Variants in AHCYL1 observed in about 807,000 individuals in gnomAD.
AHCYL1 encodes the protein adenosylhomocysteinase like 1.
Under a neutral mutation model 79.3 loss-of-function variants are expected in AHCYL1, and 20 were observed. That is an observed-to-expected ratio of 0.25 (90% CI 0.18 to 0.37). The LOEUF (loss-of-function observed/expected upper bound fraction) is 0.37, where lower values mean the gene tolerates loss of function less well. Among genes scored for constraint, AHCYL1 ranks in the 10% least tolerant of loss-of-function variants. AHCYL1 has a pLI of 1.00. For synonymous variants in AHCYL1, 223 were observed against 242.2 expected (o/e 0.92, Z 0.74); for missense variants, 330 against 673.6 (o/e 0.49, Z 5.65).
At chr1:109,986,367 C>G (rs1299891315) in intron 1 of AHCYL1, among the ~76,000 whole-genome samples, 1 of 151,116 alleles carries the variant, frequency 6.6e-6, no homozygotes, top group Non-Finnish European at 1.5e-5. Context: ...CTCCAGAAAT[C>G]AAATGCAAGA....
chr1:110,004,664 T>G (rs2101715002), intron 1 of AHCYL1, among the ~76,000 whole-genome samples: 1 of 152,230 alleles, frequency 6.6e-6, no homozygotes, highest in African/African-American at 2.4e-5. Flanking sequence ...GGGCCTATAG[T>G]CCTAGCTACT....
chr1:109,996,266 CGAG>C (rs1650023740), intron 1 of AHCYL1, among the ~76,000 whole-genome samples: 1 of 152,134 alleles, frequency 6.6e-6, no homozygotes, highest in Non-Finnish European at 1.5e-5. Flanking sequence ...ATTTTGATCA[CGAG>C]GAGAAATCTT....
At chr1:110,003,421 T>C (rs1393851331) in intron 1 of AHCYL1, among the ~76,000 whole-genome samples, 1 of 152,182 alleles carries the variant, frequency 6.6e-6, no homozygotes, top group Non-Finnish European at 1.5e-5. Context: ...TTTATTATAC[T>C]ATGCTTTTGA....
Position 110,017,501 on chromosome 1 carries a change from A to C in AHCYL1, c.970A>C (p.Lys324Gln). 1 of 1,614,076 alleles carries C rather than the reference A, an allele frequency of 6.2e-7. No homozygotes were observed. The highest frequency in any genetic ancestry group is 8.5e-7 in the Non-Finnish European group (1 of 1,180,002). Residue 324 changes from lysine (K) to glutamine (Q), a missense_variant, in exon 10 of 17, where the codon AAG becomes CAG. Physicochemically the swap from Lys to Gln is moderately conservative, Grantham distance 53. This residue lies in a region of AHCYL1 where 119 missense variants were observed against 293.3 expected (regional missense o/e 0.41). Transcript: ENST00000369799. ...CCTTTCTTTTGTTCTGCAGGTAGGC[A>C]AGGGCTGCTGTGCTGCTCTCAAAGC... Reference protein sequence around the residue: ...VVVCGYGEVGKGCCAALKALG... With the variant: ...VVVCGYGEVGQGCCAALKALG...
rs146822283 is a variant in AHCYL1 at position 109,987,806 on chromosome 1, G to A, written c.120+2634G>A. Among the ~76,000 whole-genome samples, 1,260 of 152,234 alleles carry A rather than the reference G, an allele frequency of 8.3e-3. 14 individuals carry two copies. The highest frequency in any genetic ancestry group is 0.02 in the African/African-American group (829 of 41,528). ...TGAAGATTTGAGATGTCTGGGTGTC[G>A]AGAAGTCAACTAAAGGGATATGACC... On this transcript the variant is annotated intron_variant, in intron 1 of 16. Transcript: ENST00000369799.
intron 1 of AHCYL1, 137 bp downstream of exon 1, chr1:109,985,309 G>A: frequency 7.1e-7 from 1 of 1,398,952 alleles, no homozygotes; most frequent in African/African-American, 1.5e-5. Context: ...GGTGGCGGCT[G>A]TGCGGCCCCA....
At chr1:110,019,437 CTG>C in intron 14 of AHCYL1, 109 bp from the exon 15 acceptor site, 1 of 934,542 alleles carries the variant, frequency 1.1e-6, no homozygotes. Flanking sequence ...GGTACTGTGA[CTG>C]TGGTAGATCA....
chr1:110,006,049 C>A (rs1650634110), intron 1 of AHCYL1, among the ~76,000 whole-genome samples: 1 of 152,078 alleles, frequency 6.6e-6, no homozygotes, highest in African/African-American at 2.4e-5. Flanking sequence ...TTAAACTGGC[C>A]TGATATTTAA....
At chr1:110,002,138 A>C (rs904564089) in intron 1 of AHCYL1, among the ~76,000 whole-genome samples, 3 of 152,250 alleles carry the variant, frequency 2.0e-5, no homozygotes, top group Admixed American at 1.3e-4. Flanking sequence ...TATCAATATG[A>C]ACTCATAAGT....
At chr1:109,998,565 T>C (rs1442135035) in intron 1 of AHCYL1, among the ~76,000 whole-genome samples, 1 of 152,198 alleles carries the variant, frequency 6.6e-6, no homozygotes, top group African/African-American at 2.4e-5. Flanking sequence ...GCAACCTCCG[T>C]CCCCTGGGTT....
intron 9 of AHCYL1, 37 bp from the exon 10 acceptor site, chr1:110,017,458 A>G: frequency 6.3e-7 from 1 of 1,599,586 alleles, no homozygotes; most frequent in Non-Finnish European, 8.6e-7. Flanking sequence ...CCATGACTTA[A>G]TGAACCTAAC....
intron 13 of AHCYL1, 134 bp downstream of exon 13, chr1:110,018,784 A>G: frequency 3.2e-6 from 3 of 939,638 alleles, no homozygotes; most frequent in Non-Finnish European, 4.8e-6. Flanking sequence ...TATTTCACAA[A>G]TTGGTCCCCA....
chr1:110,007,033 A>C (rs1320797648), intron 1 of AHCYL1, among the ~76,000 whole-genome samples: 2 of 152,104 alleles, frequency 1.3e-5, no homozygotes, highest in East Asian at 3.9e-4. Context: ...TAGGCTACTG[A>C]TGAGCTTTAT....
At chr1:110,013,147 A>G in intron 5 of AHCYL1, 148 bp downstream of exon 5, 2 of 584,432 alleles carry the variant, frequency 3.4e-6, no homozygotes, top group Non-Finnish European at 5.8e-6. Flanking sequence ...AAGAAAGTGG[A>G]TAATAAAATT....
At chr1:110,007,036 A>C (rs1299938405) in intron 1 of AHCYL1, among the ~76,000 whole-genome samples, 1 of 152,116 alleles carries the variant, frequency 6.6e-6, no homozygotes, top group Non-Finnish European at 1.5e-5. Context: ...GCTACTGATG[A>C]GCTTTATTAA....
chr1:110,018,409 G>T lies in AHCYL1; in HGVS notation c.1160G>T (p.Arg387Leu). Residue 387 changes from arginine (R) to leucine (L), a missense_variant, in exon 12 of 17, where the codon CGC becomes CTC. This residue lies in a region of AHCYL1 where 119 missense variants were observed against 293.3 expected (regional missense o/e 0.41). Coordinates refer to ENST00000369799, the MANE Select transcript of AHCYL1 (RefSeq NM_006621.7). ...GTAGTGACACGGGAGCACTTGGATC[G>T]CATGAAAAACAGTTGTATCGTATGC... ...KNVVTREHLD[R>L]MKNSCIVCNM... is the part of the protein sequence containing the mutation. 1.2e-6 allele frequency: 2 copies of T among 1,614,098 alleles called. No individual in the cohort carries two copies. Among genetic ancestry groups the T allele is most frequent in the Non-Finnish European group, 8.5e-7 (1 of 1,180,006 alleles).
intron 1 of AHCYL1, among the ~76,000 whole-genome samples, chr1:109,987,014 G>A (rs1649503826): frequency 6.6e-6 from 1 of 152,194 alleles, no homozygotes; most frequent in Non-Finnish European, 1.5e-5. Context: ...AGCAGGCTCT[G>A]CCAGGAATGT....
At position 110,018,409 on chromosome 1, in the gene AHCYL1, G is replaced by A. The variant is rs768042207; in HGVS notation, c.1160G>A (p.Arg387His). The stretch of plus-strand genomic sequence containing the variant: ...GTAGTGACACGGGAGCACTTGGATC[G>A]CATGAAAAACAGTTGTATCGTATGC... The part of the protein sequence containing the change: ...KNVVTREHLD[R>H]MKNSCIVCNM... The change falls in exon 12 of 17, where the codon CGC becomes CAC. Residue 387 changes from arginine to histidine, a missense_variant. This residue lies in a region of AHCYL1 where 119 missense variants were observed against 293.3 expected (regional missense o/e 0.41). Coordinates refer to ENST00000369799, the MANE Select transcript of AHCYL1 (RefSeq NM_006621.7). 8 of 1,614,098 alleles carry A rather than the reference G, an allele frequency of 5.0e-6. No individual in the cohort carries two copies. The highest frequency in any genetic ancestry group is 5.9e-6 in the Non-Finnish European group (7 of 1,180,006).
At chr1:109,987,270 T>C (rs1374262254) in intron 1 of AHCYL1, among the ~76,000 whole-genome samples, 1 of 152,232 alleles carries the variant, frequency 6.6e-6, no homozygotes, top group East Asian at 1.9e-4. Context: ...AACTGCTGAA[T>C]TGAACATTAA....
Sources: allele counts gnomAD v4.1 joint callset (sites outside exome capture counted in the v4.1 genomes callset), GRCh38; gene constraint gnomAD v4.1.1; regional missense constraint gnomAD v4.1.1; transcripts MANE v1.5; gene names NCBI Gene and HGNC (gene_info 2026-07-23, HGNC 2026-07-21).